Variants in ZNF714 observed in about 807,000 individuals in gnomAD.
ZNF714 encodes zinc finger protein 714.
ZNF714 carries 32 observed loss-of-function variants against 46.2 expected under a neutral mutation model. That is an observed-to-expected ratio of 0.69 (90% CI 0.52 to 0.93). The LOEUF is 0.93. ZNF714 is among the 40% of genes least tolerant of loss of function. The pLI is 0.00. For synonymous variants in ZNF714, 199 were observed against 213.1 expected, an observed-to-expected ratio of 0.93 and a Z score of 0.58; for missense variants, 635 against 646.3, an observed-to-expected ratio of 0.98 and a Z score of 0.19.
intron 4 of ZNF714, among the ~76,000 whole-genome samples, chr19:21,110,045 G>T (rs1030714580): frequency 6.6e-6 from 1 of 152,032 alleles, no homozygotes; most frequent in Non-Finnish European, 1.5e-5. Flanking sequence ...GAATTGTGCT[G>T]CAGTGAAGAT....
rs1969661694 is a variant in ZNF714 at position 21,118,780 on chromosome 19, A to G, written c.*448A>G. 1 of 209,468 alleles carries G rather than the reference A, an allele frequency of 4.8e-6. No individual in the cohort carries two copies. The highest frequency in any genetic ancestry group is 2.4e-5 in the African/African-American group (1 of 41,718). 13.0% of individuals were successfully genotyped at this position (209,468 alleles called of 1,614,324 possible). A position where few individuals can be genotyped will look rare whatever the true frequency, so the allele number is the denominator to read the frequency against. Reference sequence around the variant, plus strand: ...AGAAAGATCTGGCAATGCTTTTGACAACACCTCAAACTTTTCTAACCATAA... The same window carrying G: ...AGAAAGATCTGGCAATGCTTTTGACGACACCTCAAACTTTTCTAACCATAA... On this transcript the variant is annotated 3_prime_UTR_variant, in exon 5 of 5. Coordinates refer to ENST00000456283, the MANE Select transcript of ZNF714 (RefSeq NM_182515.4).
Position 21,117,859 on chromosome 19 carries a change from T to C in ZNF714, c.1195T>C (p.Cys399Arg). The part of the protein sequence containing the change: ...IIHTGEKPYK[C>R]EECGKAFNQS... ...TCATACTGGAGAGAAACCTTACAAA[T>C]GTGAAGAATGTGGCAAAGCTTTTAA... The change falls in exon 5 of 5, where the codon TGT (cysteine) becomes CGT (arginine). Residue 399 changes from cysteine (C) to arginine (R), a missense_variant. Coordinates refer to ENST00000456283, the MANE Select transcript of ZNF714 (RefSeq NM_182515.4). 5 of 1,613,138 alleles carry C rather than the reference T, an allele frequency of 3.1e-6. No homozygotes were observed. Among genetic ancestry groups the C allele is most frequent in the African/African-American group, 1.3e-5 (1 of 75,004 alleles).
At position 21,116,832 on chromosome 19, in the gene ZNF714, C is replaced by T. The variant is rs1969605948; in HGVS notation, c.168C>T (p.Asp56=). The T allele has an allele frequency of 6.2e-7, 1 of 1,604,390 alleles. No individual in the cohort carries two copies. Among genetic ancestry groups the T allele is most frequent in the Non-Finnish European group, 8.5e-7 (1 of 1,177,246 alleles). The change falls in exon 5 of 5, where the codon GAC becomes GAT. Residue 56 remains aspartate, a synonymous_variant. Coordinates refer to ENST00000456283, the MANE Select transcript of ZNF714 (RefSeq NM_182515.4). ...CTATGTGTTCTTCTTTTACCAGAGA[C>T]CTTTGGCCAGAGCAAGACATAAAAG... ...SPAMCSSFTR[D]LWPEQDIKDS...
At chr19:21,082,700 G>T (rs997274268) in intron 1 of ZNF714, among the ~76,000 whole-genome samples, 4 of 51,982 alleles carry the variant, frequency 7.7e-5, no homozygotes, top group Non-Finnish European at 2.3e-4. Context: ...GAATGGGTCC[G>T]TGGGGTTCCA....
intron 2 of ZNF714, among the ~76,000 whole-genome samples, chr19:21,092,906 C>CTTTTTTTTTTTTT (rs56845417): frequency 9.8e-6 from 1 of 101,706 alleles, no homozygotes; most frequent in African/African-American, 3.8e-5. Context: ...ATAACTTAAA[C>CTTTTTTTTTTTTT]TTTTTTTTTT....
chr19:21,112,902 A>G (rs1599551920), intron 4 of ZNF714, among the ~76,000 whole-genome samples: 1 of 134,666 alleles, frequency 7.4e-6, no homozygotes, highest in Admixed American at 9.1e-5. Flanking sequence ...GGCTCACTGC[A>G]ATCTCTGCCT....
intron 4 of ZNF714, among the ~76,000 whole-genome samples, 157 bp downstream of exon 4, chr19:21,099,067 C>T (rs982112276): frequency 2.0e-5 from 3 of 152,020 alleles, no homozygotes; most frequent in Non-Finnish European, 2.9e-5. Flanking sequence ...TTTTCTCTCA[C>T]TAAAGGGCAT....
At chr19:21,102,488 G>A (rs1260871302) in intron 4 of ZNF714, among the ~76,000 whole-genome samples, 2 of 152,052 alleles carry the variant, frequency 1.3e-5, no homozygotes, top group Admixed American at 1.3e-4. Context: ...AAAAATATAA[G>A]TTTTAATTTA....
chr19:21,088,454 C>T (rs1968835893), intron 2 of ZNF714, among the ~76,000 whole-genome samples: 1 of 152,050 alleles, frequency 6.6e-6, no homozygotes, highest in Non-Finnish European at 1.5e-5. Flanking sequence ...GTAAATTGAA[C>T]AATTTTTAAA....
At chr19:21,100,643 G>A (rs12976221) in intron 4 of ZNF714, among the ~76,000 whole-genome samples, 59,141 of 151,984 alleles carry the variant, frequency 0.39, 13,398 homozygotes, top group East Asian at 0.62. Flanking sequence ...GATAGTTTAA[G>A]TGTATGGAAG....
rs1288586073 is a variant in ZNF714, at chr19:21,120,330, C to G, written c.*1998C>G. ...GCTGGGATTACACAGGCATGAGCCA[C>G]TGCTCCTGGCAAGAGATTCTTTTTT... On this transcript the variant is annotated 3_prime_UTR_variant, in exon 5 of 5. Transcript: ENST00000456283. 6.6e-6 allele frequency: 1 copy of G among 152,208 alleles called. No homozygotes were observed. Among genetic ancestry groups the G allele is most frequent in the Non-Finnish European group, 1.5e-5 (1 of 68,038 alleles). The allele number at this position is 152,208 out of a possible 1,614,324, so 9.4% of individuals were successfully genotyped here.
At chr19:21,092,915 T>TTTC (rs1968948080) in intron 2 of ZNF714, among the ~76,000 whole-genome samples, 1 of 143,510 alleles carries the variant, frequency 7.0e-6, no homozygotes. Context: ...ACTTTTTTTT[T>TTTC]TTTTTTTTTT....
chr19:21,109,654 A>G (rs1969403430), intron 4 of ZNF714: 1 of 183,538 alleles, frequency 5.4e-6, no homozygotes, highest in African/African-American at 2.4e-5. Flanking sequence ...GGTTTGTTAC[A>G]TAAGTAAACG....
chr19:21,083,903 A>G, intron 1 of ZNF714, 75 bp from the exon 2 acceptor site: 1 of 798,098 alleles, frequency 1.3e-6, no homozygotes. Flanking sequence ...CTGGGGATCA[A>G]CCAAGATATC....
At chr19:21,112,815 G>GTTTTTTTT (rs1314785181) in intron 4 of ZNF714, among the ~76,000 whole-genome samples, 2 of 41,698 alleles carry the variant, frequency 4.8e-5, no homozygotes, top group Admixed American at 3.2e-4. Context: ...TTTTATTTCT[G>GTTTTTTTT]ATTTTTTTTT....
chr19:21,109,220 T>G (rs1969391162), intron 4 of ZNF714, among the ~76,000 whole-genome samples: 2 of 152,314 alleles, frequency 1.3e-5, no homozygotes, highest in South Asian at 4.1e-4. Context: ...TTTCTTTTTA[T>G]AAATTTATTT....
In ZNF714 at chr19:21,112,816, A is replaced by ATTTTTT. The variant is rs74172391; in HGVS notation, c.143-3972_143-3967dup. ...GTTTCAAATAGTTTTTTTATTTCTG[A>ATTTTTT]TTTTTTTTTTTTTTTTTTTTTTTTG... On this transcript the variant is annotated intron_variant, in intron 4 of 4. Coordinates refer to ENST00000456283, the MANE Select transcript of ZNF714 (RefSeq NM_182515.4). Among the ~76,000 whole-genome samples, 51 of 43,208 alleles carry ATTTTTT rather than the reference A, an allele frequency of 1.2e-3. 7 individuals carry two copies. Among genetic ancestry groups the ATTTTTT allele is most frequent in the South Asian group, 2.3e-3 (2 of 860 alleles). The allele number at this position is 43,208 out of a possible 152,430, so 28.3% of individuals were successfully genotyped here. A position where few individuals can be genotyped will look rare whatever the true frequency, so the allele number is the denominator to read the frequency against.
At chr19:21,106,633 G>A (rs903558820) in intron 4 of ZNF714, among the ~76,000 whole-genome samples, 3 of 151,460 alleles carry the variant, frequency 2.0e-5, no homozygotes, top group Non-Finnish European at 4.4e-5. Flanking sequence ...CTTTATCAGT[G>A]TTGTTATCCA....
At chr19:21,093,421 G>A (rs1968966027) in intron 2 of ZNF714, among the ~76,000 whole-genome samples, 1 of 149,950 alleles carries the variant, frequency 6.7e-6, no homozygotes, top group Non-Finnish European at 1.5e-5. Flanking sequence ...TAGTAGAGAT[G>A]GGGTTTCACC....
Sources: allele counts gnomAD v4.1 joint callset (sites outside exome capture counted in the v4.1 genomes callset), GRCh38; gene constraint gnomAD v4.1.1; transcripts MANE v1.5; gene names NCBI Gene and HGNC (gene_info 2026-07-23, HGNC 2026-07-21).